Variants in LATS2 observed in about 807,000 individuals in gnomAD.
The protein encoded by LATS2 is large tumor suppressor kinase 2.
In LATS2, 24 loss-of-function variants were observed where a neutral mutation model predicts 76.0. That is an observed-to-expected ratio of 0.32 (90% confidence interval 0.23 to 0.44). The LOEUF is 0.44. Ranked by LOEUF, LATS2 falls within the 20% of genes least tolerant of loss-of-function variation. The pLI is 1.00. For synonymous variants in LATS2, 692 were observed against 635.4 expected (o/e 1.09, Z -1.34); for missense variants, 1,286 against 1,481.2 (o/e 0.87, Z 2.16).
rs1486806093 is a variant in LATS2 at position 20,988,245 on chromosome 13, C to G, written c.1535G>C (p.Arg512Thr). ...CTTCGGGTAGGGCGGAGGCGGGCAC[C>G]TCCGGTCTGGGCCTCCGTACTCCAC... ...LDVEYGGPDR[R>T]CPPPPYPKHL... Residue 512 changes from arginine (R) to threonine (T), a missense_variant, in exon 4 of 8, where the codon AGG (arginine) becomes ACG (threonine). By Grantham distance (71) the Arg-to-Thr change is moderately conservative. Transcript: ENST00000382592. 7 of 1,602,818 alleles carry G rather than the reference C, an allele frequency of 4.4e-6. No individual in the cohort carries two copies. Among genetic ancestry groups the G allele is most frequent in the Admixed American group, 1.7e-5 (1 of 59,628 alleles).
At chr13:21,050,428 G>A (rs1382026345) in intron 1 of LATS2, among the ~76,000 whole-genome samples, 2 of 152,024 alleles carry the variant, frequency 1.3e-5, no homozygotes, top group East Asian at 1.9e-4. Flanking sequence ...GGATTAGTCT[G>A]ACCAGTTTTT....
chr13:21,019,379 T>A lies in LATS2; in HGVS notation c.342+26306A>T, dbSNP rs1463811332. Among the ~76,000 whole-genome samples, 4 of 149,800 alleles carry A rather than the reference T, an allele frequency of 2.7e-5. No homozygotes were observed. The East Asian group carries it at 5.9e-4, about 22-fold the overall frequency. ...TTCACTCTTGTAGCCCACGCTGGAG[T>A]GCAGTGGCGCAATCTCAGCTCACTG... On this transcript the variant is annotated intron_variant, in intron 2 of 7. Transcript: ENST00000382592.
chr13:20,981,393 G>C (rs774127148), intron 6 of LATS2, 73 bp downstream of exon 6: 16 of 1,389,382 alleles, frequency 1.2e-5, no homozygotes, highest in African/African-American at 1.4e-5. Context: ...TGGAAAGCTA[G>C]AGCCAGCGAG....
Position 20,974,183 on chromosome 13 carries a change from T to C in LATS2, c.*687A>G, listed in dbSNP as rs774883033. 3 of 226,700 alleles carry C rather than the reference T, an allele frequency of 1.3e-5. No homozygotes were observed. Among genetic ancestry groups the C allele is most frequent in the Non-Finnish European group, 2.6e-5 (3 of 114,012 alleles). The allele number at this position is 226,700 out of a possible 1,614,324, so 14.0% of individuals were successfully genotyped here. A position where few individuals can be genotyped will look rare whatever the true frequency, so the allele number is the denominator to read the frequency against. On this transcript the variant is annotated 3_prime_UTR_variant, in exon 8 of 8. Coordinates refer to ENST00000382592, the MANE Select transcript of LATS2 (RefSeq NM_014572.3). ...AGGACCTGCTGTGAATGGCAAGATA[T>C]GGTAATTTTATAATAGAAGAACTCT... is the stretch of plus-strand genomic sequence containing the variant.
chr13:20,977,311 G>A (rs376795301), intron 7 of LATS2, among the ~76,000 whole-genome samples: 69 of 151,526 alleles, frequency 4.6e-4, no homozygotes, highest in Non-Finnish European at 6.8e-4. Flanking sequence ...ATGAGAACCC[G>A]GAAGGCAGAG....
At chr13:21,011,949 G>A (rs1373922548) in intron 2 of LATS2, among the ~76,000 whole-genome samples, 6 of 152,188 alleles carry the variant, frequency 3.9e-5, no homozygotes, top group Admixed American at 2.6e-4. Flanking sequence ...GCAAGTTTAA[G>A]CAAAATGATG....
intron 2 of LATS2, among the ~76,000 whole-genome samples, chr13:21,035,657 A>G (rs1872664046): frequency 6.6e-6 from 1 of 152,224 alleles, no homozygotes; most frequent in Non-Finnish European, 1.5e-5. Flanking sequence ...TTAAGTGAAC[A>G]ATATTTATGA....
At chr13:21,000,096 G>C (rs1259006838) in intron 2 of LATS2, among the ~76,000 whole-genome samples, 1 of 151,998 alleles carries the variant, frequency 6.6e-6, no homozygotes, top group Non-Finnish European at 1.5e-5. Context: ...AAATTATAAA[G>C]ATAGGCCGGG....
chr13:21,041,218 C>T (rs886314278), intron 2 of LATS2, among the ~76,000 whole-genome samples: 3 of 152,102 alleles, frequency 2.0e-5, no homozygotes, highest in Admixed American at 6.5e-5. Context: ...ATGATCTGCC[C>T]GCCTTGGCCT....
At chr13:21,037,924 G>T (rs1872737018) in intron 2 of LATS2, among the ~76,000 whole-genome samples, 1 of 152,152 alleles carries the variant, frequency 6.6e-6, no homozygotes, top group African/African-American at 2.4e-5. Context: ...CCAGAGAAAA[G>T]GTTTCCAGAA....
intron 2 of LATS2, among the ~76,000 whole-genome samples, chr13:21,023,768 A>G (rs9550694): frequency 0.41 from 62,219 of 150,474 alleles, 14,683 homozygotes; most frequent in African/African-American, 0.63. Context: ...GAGGTCGGGA[A>G]TTCAAGACCA....
At chr13:21,001,940 G>A (rs1871059348) in intron 2 of LATS2, among the ~76,000 whole-genome samples, 1 of 151,040 alleles carries the variant, frequency 6.6e-6, no homozygotes, top group Non-Finnish European at 1.5e-5. Context: ...TTGAGGCGGA[G>A]TCTCGCTCTG....
chr13:20,978,577 T>C (rs372492229), intron 7 of LATS2, among the ~76,000 whole-genome samples: 3 of 152,168 alleles, frequency 2.0e-5, no homozygotes, highest in Non-Finnish European at 4.4e-5. Context: ...TTAGATACAG[T>C]TGACCCTTGA....
chr13:21,008,241 C>A (rs1340037537), intron 2 of LATS2, among the ~76,000 whole-genome samples: 1 of 152,062 alleles, frequency 6.6e-6, no homozygotes, highest in African/African-American at 2.4e-5. Flanking sequence ...GTGGGCGGCT[C>A]TCCTGGGACT....
At chr13:20,995,112 G>T (rs1213301348) in intron 2 of LATS2, among the ~76,000 whole-genome samples, 2 of 152,080 alleles carry the variant, frequency 1.3e-5, no homozygotes, top group African/African-American at 4.8e-5. Flanking sequence ...CTAATAGGTT[G>T]CTCTAGGGAT....
intron 2 of LATS2, among the ~76,000 whole-genome samples, chr13:21,034,077 CTAATGACACA>C (rs2138384265): frequency 6.6e-6 from 1 of 152,264 alleles, no homozygotes; most frequent in Admixed American, 6.5e-5. Context: ...TTTCTGAGCA[CTAATGACACA>C]TGGCATTGTG....
chr13:21,053,836 A>T (rs541768311), intron 1 of LATS2, among the ~76,000 whole-genome samples: 2 of 152,376 alleles, frequency 1.3e-5, no homozygotes, highest in African/African-American at 4.8e-5. Context: ...GAAATATTGT[A>T]TGATTCCAGT....
At chr13:20,989,353 G>A in intron 3 of LATS2, 49 bp from the exon 4 acceptor site, 1 of 1,597,152 alleles carries the variant, frequency 6.3e-7, no homozygotes. Context: ...TGTGATCAGT[G>A]GGTTCTGGCA....
intron 2 of LATS2, 131 bp downstream of exon 2, chr13:21,045,554 G>T: frequency 3.0e-6 from 2 of 665,094 alleles, no homozygotes; most frequent in East Asian, 5.5e-5. Context: ...AGGGCCTTGG[G>T]TTTTTAACCT....
Sources: gnomAD v4.1 joint callset for allele counts (sites outside exome capture counted in the v4.1 genomes callset) on GRCh38, gnomAD v4.1.1 for gene constraint, MANE v1.5 for transcripts, NCBI Gene and HGNC (gene_info 2026-07-23, HGNC 2026-07-21) for gene names.